TANC2: variants seen among roughly 807,000 people sequenced by gnomAD.
TANC2 encodes protein TANC2.
TANC2 carries 26 observed loss-of-function variants against 210.5 expected under a neutral mutation model. The ratio of observed to expected loss-of-function variants is 0.12; its 90% CI spans 0.09 to 0.17. TANC2 has a LOEUF of 0.17. TANC2 is among the 10% of genes least tolerant of loss of function. TANC2 has a pLI of 1.00. For missense variants in TANC2, 2,129 were observed against 2,608.9 expected, an observed-to-expected ratio of 0.82 and a Z score of 4.01; for synonymous variants, 931 against 967.1, an observed-to-expected ratio of 0.96 and a Z score of 0.69.
intron 4 of TANC2, 36 bp from the exon 5 acceptor site, chr17:63,151,218 CTCTCTTGCTCTCTCTG>C: frequency 2.4e-6 from 2 of 834,522 alleles, no homozygotes; most frequent in Non-Finnish European, 2.9e-6. Flanking sequence ...CTCTTTCTTT[CTCTCTTGCTCTCTCTG>C]TCTCTTGCTT....
chr17:63,101,299 G>T (rs1017238655), intron 4 of TANC2, among the ~76,000 whole-genome samples: 2 of 152,094 alleles, frequency 1.3e-5, no homozygotes, highest in Non-Finnish European at 2.9e-5. Context: ...CCAAAGAATG[G>T]TTCTTTCTTG....
At chr17:63,385,479 T>A (rs555785079) in intron 15 of TANC2, among the ~76,000 whole-genome samples, 23 of 152,368 alleles carry the variant, frequency 1.5e-4, no homozygotes, top group South Asian at 1.2e-3. Flanking sequence ...CTAAAAGATC[T>A]GGAACTATTC....
intron 14 of TANC2, among the ~76,000 whole-genome samples, chr17:63,360,810 A>C (rs1225221827): frequency 6.6e-6 from 1 of 151,410 alleles, no homozygotes; most frequent in Non-Finnish European, 1.5e-5. Context: ...TACCCTTCCT[A>C]GCTGGTAACC....
chr17:63,083,687 T>C (rs557209234), intron 3 of TANC2, among the ~76,000 whole-genome samples: 4 of 152,356 alleles, frequency 2.6e-5, no homozygotes, highest in African/African-American at 9.6e-5. Flanking sequence ...TTGTTTTCAG[T>C]CTTCAGACGG....
At chr17:63,332,115 A>G in intron 11 of TANC2, 2 of 347,438 alleles carry the variant, frequency 5.8e-6, no homozygotes, top group Non-Finnish European at 5.7e-6. Context: ...ACCACAGGAG[A>G]ATTTTTGAGC....
chr17:63,192,832 C>T (rs2041229744), intron 5 of TANC2, among the ~76,000 whole-genome samples: 1 of 152,142 alleles, frequency 6.6e-6, no homozygotes, highest in South Asian at 2.1e-4. Context: ...TAAATATATA[C>T]TCTTATTTTC....
At chr17:63,102,323 T>A (rs2037655772) in intron 4 of TANC2, among the ~76,000 whole-genome samples, 1 of 149,226 alleles carries the variant, frequency 6.7e-6, no homozygotes, top group African/African-American at 2.5e-5. Context: ...CTAAAAAAAA[T>A]AAAAATAAAT....
intron 9 of TANC2, among the ~76,000 whole-genome samples, chr17:63,278,341 G>C (rs1195074010): frequency 6.6e-6 from 1 of 152,008 alleles, no homozygotes; most frequent in African/African-American, 2.4e-5. Flanking sequence ...CTTCAAAGAA[G>C]ACATACAAAT....
chr17:63,271,300 C>T (rs922123394), intron 9 of TANC2, among the ~76,000 whole-genome samples: 21 of 152,016 alleles, frequency 1.4e-4, no homozygotes, highest in Non-Finnish European at 1.3e-4. Context: ...ATAAGTGTTC[C>T]TTTTTCTCCA....
intron 2 of TANC2, among the ~76,000 whole-genome samples, chr17:63,023,846 A>G (rs1343363995): frequency 2.6e-5 from 4 of 152,314 alleles, no homozygotes; most frequent in African/African-American, 9.6e-5. Flanking sequence ...ACTAAGTGCT[A>G]AGAACTTTGA....
chr17:63,379,467 C>T (rs140667019), intron 14 of TANC2, among the ~76,000 whole-genome samples: 6,061 of 152,180 alleles, frequency 0.04, 421 homozygotes, highest in African/African-American at 0.13. Flanking sequence ...GTCAGGAGTT[C>T]GAGACCAGCC....
At chr17:63,246,326 CTTATT>C (rs575497774) in intron 8 of TANC2, among the ~76,000 whole-genome samples, 60 of 150,004 alleles carry the variant, frequency 4.0e-4, no homozygotes, top group Non-Finnish European at 8.0e-4. Flanking sequence ...TATATTGAGT[CTTATT>C]TTATATATTA....
exon 14 of TANC2, chr17:63,355,140 G>A: frequency 6.2e-7 from 1 of 1,613,800 alleles, no homozygotes; most frequent in Non-Finnish European, 8.5e-7. Flanking sequence ...CTTTGACCGG[G>A]TGATGCCTCT....
At chr17:63,224,796 G>A (rs926986936) in intron 7 of TANC2, among the ~76,000 whole-genome samples, 1 of 151,990 alleles carries the variant, frequency 6.6e-6, no homozygotes, top group African/African-American at 2.4e-5. Flanking sequence ...GAGAGGTCAT[G>A]GTATTATTGG....
intron 16 of TANC2, among the ~76,000 whole-genome samples, chr17:63,388,990 G>A (rs2047875099): frequency 6.6e-6 from 1 of 152,076 alleles, no homozygotes; most frequent in Non-Finnish European, 1.5e-5. Context: ...AGGTCCTGCT[G>A]GTTCCAAAGA....
chr17:63,251,801 A>G (rs560465950), intron 8 of TANC2, among the ~76,000 whole-genome samples: 2 of 152,288 alleles, frequency 1.3e-5, no homozygotes, highest in African/African-American at 2.4e-5. Context: ...CACTCAGTTC[A>G]GTGATGGCAA....
chr17:63,307,144 A>G (rs1567900383), intron 9 of TANC2, among the ~76,000 whole-genome samples: 1 of 152,124 alleles, frequency 6.6e-6, no homozygotes, highest in East Asian at 1.9e-4. Flanking sequence ...CTTGAGCACT[A>G]TGGGAGGGAG....
chr17:63,313,407 C>T (rs2045197495), intron 9 of TANC2: 1 of 152,140 alleles, frequency 6.6e-6, no homozygotes, highest in South Asian at 2.1e-4. Flanking sequence ...GCAGGACTTC[C>T]TTTTACCATC....
intron 2 of TANC2, among the ~76,000 whole-genome samples, chr17:63,015,143 A>C (rs770662850): frequency 2.0e-5 from 3 of 151,682 alleles, no homozygotes; most frequent in Non-Finnish European, 4.4e-5. Flanking sequence ...TAGGTATATA[A>C]TTTTAGGGTT....
Sources: allele counts gnomAD v4.1 joint callset (sites outside exome capture counted in the v4.1 genomes callset), GRCh38; gene constraint gnomAD v4.1.1; transcripts MANE v1.5; gene names NCBI Gene and HGNC (gene_info 2026-07-23, HGNC 2026-07-21).